The following FAM168B variants were observed in gnomAD, a reference collection of about 807,000 sequenced individuals.
FAM168B encodes family with sequence similarity 168 member B.
In FAM168B, 19 loss-of-function variants were observed where a neutral mutation model predicts 21.8. That is an observed-to-expected ratio of 0.87 (90% confidence interval 0.61 to 1.28). The LOEUF is 1.28. Ranked by LOEUF, FAM168B falls within the 50% of genes most tolerant of loss-of-function variation. The pLI, the probability that FAM168B is intolerant of heterozygous loss-of-function variation, is 0.00. For missense variants in FAM168B, 233 were observed against 263.1 expected, an observed-to-expected ratio of 0.89 and a Z score of 0.79; for synonymous variants, 126 against 104.8, an observed-to-expected ratio of 1.20 and a Z score of -1.24.
intron 1 of FAM168B, among the ~76,000 whole-genome samples, chr2:131,090,445 G>A (rs1169697896): frequency 6.6e-6 from 1 of 151,784 alleles, no homozygotes; most frequent in African/African-American, 2.4e-5. Flanking sequence ...TATAACACGA[G>A]GCCTTTAAAA....
rs780343166 is a variant in FAM168B at position 131,072,844 on chromosome 2, C to T, written c.71-906G>A. On this transcript the variant is annotated intron_variant, in intron 2 of 6. Coordinates refer to ENST00000389915, the MANE Select transcript of FAM168B (RefSeq NM_001009993.4). ...TAGTAAGAGTGCTAAGGGTATCACA[C>T]GCTAGGTCCTGTTACCCTCATCTGA... Among the ~76,000 whole-genome samples, 6 of 152,144 alleles carry T rather than the reference C, an allele frequency of 3.9e-5. 1 individual carries two copies. Among genetic ancestry groups the T allele is most frequent in the South Asian group, 4.1e-4 (2 of 4,830 alleles).
chr2:131,072,124 T>A (rs1692904921), intron 2 of FAM168B, among the ~76,000 whole-genome samples, 186 bp from the exon 3 acceptor site: 1 of 152,208 alleles, frequency 6.6e-6, no homozygotes, highest in Non-Finnish European at 1.5e-5. Context: ...TTGTTTTTTT[T>A]ATCGTTGTCG....
At chr2:131,081,987 C>G (rs772485978) in intron 2 of FAM168B, among the ~76,000 whole-genome samples, 1 of 152,196 alleles carries the variant, frequency 6.6e-6, no homozygotes, top group African/African-American at 2.4e-5. Flanking sequence ...TGTGCAAAGT[C>G]ACCGAAGGGA....
At chr2:131,065,498 G>C (rs953453965) in intron 3 of FAM168B, among the ~76,000 whole-genome samples, 14 of 151,952 alleles carry the variant, frequency 9.2e-5, no homozygotes, top group Non-Finnish European at 4.4e-5. Context: ...AGTTCAAAAA[G>C]AAAAGAAACG....
At chr2:131,078,978 C>T (rs898521616) in intron 2 of FAM168B, among the ~76,000 whole-genome samples, 3 of 150,144 alleles carry the variant, frequency 2.0e-5, no homozygotes, top group Non-Finnish European at 4.4e-5. Flanking sequence ...CAGAGCAAGA[C>T]CCTTTCACAA....
At chr2:131,070,829 A>C (rs1692836627) in intron 3 of FAM168B, among the ~76,000 whole-genome samples, 1 of 152,250 alleles carries the variant, frequency 6.6e-6, no homozygotes, top group Non-Finnish European at 1.5e-5. Flanking sequence ...CCAATATGGC[A>C]AACAGCTAGG....
Position 131,049,833 on chromosome 2 carries a change from A to G in FAM168B, c.*2632T>C, listed in dbSNP as rs1190525269. The G allele has an allele frequency of 1.0e-6, 1 of 985,772 alleles. No individual in the cohort carries two copies. The highest frequency in any genetic ancestry group is 1.7e-5 in the African/African-American group (1 of 57,258). 61.1% of individuals were successfully genotyped at this position (985,772 alleles called of 1,614,324 possible). A position where few individuals can be genotyped will look rare whatever the true frequency, so the allele number is the denominator to read the frequency against. The stretch of plus-strand genomic sequence containing the variant: ...TTCGGGACAAATTATGAAGCTTTGT[A>G]ACAGAATTTTGACCCAAGTTCTATT... On this transcript the variant is annotated 3_prime_UTR_variant, in exon 7 of 7. Coordinates refer to ENST00000389915, the MANE Select transcript of FAM168B (RefSeq NM_001009993.4).
chr2:131,050,925 C>T lies in FAM168B; in HGVS notation c.*1540G>A. 1.0e-6 allele frequency: 1 copy of T among 985,778 alleles called. No individual in the cohort carries two copies. The allele number at this position is 985,778 out of a possible 1,614,324, so 61.1% of individuals were successfully genotyped here. A position where few individuals can be genotyped will look rare whatever the true frequency, so the allele number is the denominator to read the frequency against. ...GGGACCCAGGCCTTACATCCCCCAC[C>T]CCCACTCTGACCCTCACTGAGAACC... is the stretch of plus-strand genomic sequence containing the variant. On this transcript the variant is annotated 3_prime_UTR_variant, in exon 7 of 7. Coordinates refer to ENST00000389915, the MANE Select transcript of FAM168B (RefSeq NM_001009993.4).
At chr2:131,093,123 G>C (rs929265737) in intron 1 of FAM168B, 91 bp downstream of exon 1, 3 of 150,528 alleles carry the variant, frequency 2.0e-5, no homozygotes, top group Non-Finnish European at 4.4e-5. Flanking sequence ...CCCGAGCCGC[G>C]GGCCGACCTT....
Position 131,051,215 on chromosome 2 carries a change from G to A in FAM168B, c.*1250C>T, listed in dbSNP as rs1009490473. Reference sequence around the variant, plus strand: ...CCTCCCCCTCGCCCCATCTCTAAGCGTCCCCTCCAGCCGGCCTCAGCAGAC... The same window carrying A: ...CCTCCCCCTCGCCCCATCTCTAAGCATCCCCTCCAGCCGGCCTCAGCAGAC... On this transcript the variant is annotated 3_prime_UTR_variant, in exon 7 of 7. Transcript: ENST00000389915. 15 of 985,102 alleles carry A rather than the reference G, an allele frequency of 1.5e-5. No individual in the cohort carries two copies. The highest frequency in any genetic ancestry group is 1.1e-4 in the East Asian group (1 of 8,798). The allele number at this position is 985,102 out of a possible 1,614,324, so 61.0% of individuals were successfully genotyped here.
intron 1 of FAM168B, among the ~76,000 whole-genome samples, chr2:131,085,937 A>G (rs940210137): frequency 2.0e-5 from 3 of 152,338 alleles, no homozygotes; most frequent in African/African-American, 7.2e-5. Context: ...TTTTAGCTTT[A>G]TTTAACTTCA....
intron 3 of FAM168B, among the ~76,000 whole-genome samples, chr2:131,065,579 CAGG>C (rs1055621452): frequency 2.6e-5 from 4 of 151,972 alleles, no homozygotes; most frequent in African/African-American, 9.7e-5. Flanking sequence ...CGCCTGAGGT[CAGG>C]AGTTCAAGAC....
intron 1 of FAM168B, among the ~76,000 whole-genome samples, chr2:131,090,151 CAAA>C (rs59428455): frequency 1.7e-5 from 2 of 119,154 alleles, no homozygotes; most frequent in African/African-American, 6.6e-5. Flanking sequence ...ACCAAAAATA[CAAA>C]AAAAAAAAAA....
chr2:131,051,062 C>G lies in FAM168B; in HGVS notation c.*1403G>C. 3 of 985,454 alleles carry G rather than the reference C, an allele frequency of 3.0e-6. No individual in the cohort carries two copies. The highest frequency in any genetic ancestry group is 3.6e-6 in the Non-Finnish European group (3 of 829,974). The allele number at this position is 985,454 out of a possible 1,614,324, so 61.0% of individuals were successfully genotyped here. A position where few individuals can be genotyped will look rare whatever the true frequency, so the allele number is the denominator to read the frequency against. On this transcript the variant is annotated 3_prime_UTR_variant, in exon 7 of 7. Transcript: ENST00000389915. ...ATCCTAAACTCAAATTCCTCTCCCA[C>G]AATAAACCCTGCCAGCAAACGCACT...
rs1023942598 is a variant in FAM168B at position 131,093,376 on chromosome 2, C to G, written c.-174G>C. ...CGCCGCCTCCCGGACGCCGCGCTCC[C>G]GCTCGCTCGGCTCCGCTTGGCCCGG... On this transcript the variant is annotated 5_prime_UTR_variant, in exon 1 of 7. Transcript: ENST00000389915. The G allele has an allele frequency of 6.0e-5, 9 of 150,856 alleles. No individual in the cohort carries two copies. The highest frequency in any genetic ancestry group is 6.0e-4 in the Admixed American group (9 of 15,126). 9.3% of individuals were successfully genotyped at this position (150,856 alleles called of 1,614,324 possible). A position where few individuals can be genotyped will look rare whatever the true frequency, so the allele number is the denominator to read the frequency against.
At chr2:131,092,734 G>A (rs1694096642) in intron 1 of FAM168B, among the ~76,000 whole-genome samples, 1 of 152,036 alleles carries the variant, frequency 6.6e-6, no homozygotes, top group South Asian at 2.1e-4. Flanking sequence ...CCTTTCTGAA[G>A]GAAATCTTAA....
At chr2:131,058,753 C>T (rs1692151957) in intron 3 of FAM168B, among the ~76,000 whole-genome samples, 1 of 152,174 alleles carries the variant, frequency 6.6e-6, no homozygotes, top group African/African-American at 2.4e-5. Context: ...CTGCTCATCT[C>T]CTCGTCTTTA....
intron 2 of FAM168B, 83 bp downstream of exon 2, chr2:131,082,494 G>T: frequency 2.1e-6 from 2 of 939,970 alleles, no homozygotes; most frequent in Non-Finnish European, 3.2e-6. Context: ...AGCTGCGTTT[G>T]TCAATAGAAA....
At chr2:131,078,188 CAAT>C (rs1693256072) in intron 2 of FAM168B, among the ~76,000 whole-genome samples, 1 of 152,062 alleles carries the variant, frequency 6.6e-6, no homozygotes, top group African/African-American at 2.4e-5. Flanking sequence ...AACAAATGGA[CAAT>C]AAAAACTGAC....
Sources: allele counts gnomAD v4.1 joint callset (sites outside exome capture counted in the v4.1 genomes callset), GRCh38; gene constraint gnomAD v4.1.1; transcripts MANE v1.5; gene names NCBI Gene and HGNC (gene_info 2026-07-23, HGNC 2026-07-21).